HAPLN2: variants seen among roughly 807,000 people sequenced by gnomAD.
HAPLN2 encodes the protein brain link protein-1.
HAPLN2 carries 27 observed loss-of-function variants against 29.3 expected under a neutral mutation model. That is an observed-to-expected ratio of 0.92 (90% CI 0.68 to 1.27). HAPLN2 has a LOEUF of 1.27. Among genes scored for constraint, HAPLN2 ranks in the 50% most tolerant of loss-of-function variants. The pLI is 0.00. For missense variants in HAPLN2, 454 were observed against 484.3 expected, an observed-to-expected ratio of 0.94 and a Z score of 0.59; for synonymous variants, 208 against 211.7, an observed-to-expected ratio of 0.98 and a Z score of 0.15.
chr1:156,603,651 C>G, the HAPLN2 span, among the ~76,000 whole-genome samples: 1 of 152,098 alleles, frequency 6.6e-6, no homozygotes, highest in Admixed American at 6.5e-5. Context: ...CAGCCACTCC[C>G]AAAACTTAAT....
At chr1:156,605,173 C>T in the HAPLN2 span, among the ~76,000 whole-genome samples, 3 of 151,150 alleles carry the variant, frequency 2.0e-5, no homozygotes, top group Admixed American at 6.6e-5. Context: ...GGCTGAGGCA[C>T]GAGGATCGCT....
chr1:156,612,681 A>G, the HAPLN2 span, among the ~76,000 whole-genome samples: 1 of 152,120 alleles, frequency 6.6e-6, no homozygotes, highest in Non-Finnish European at 1.5e-5. Context: ...AGCAAACACT[A>G]AAGCTGTCCT....
chr1:156,601,567 G>A, the HAPLN2 span: 2 of 1,069,684 alleles, frequency 1.9e-6, no homozygotes, highest in South Asian at 3.0e-5. Context: ...CCATTGCGGA[G>A]CCCAATTTGC....
At position 156,625,440 on chromosome 1, in the gene HAPLN2, G is replaced by A. The variant is rs936741684; in HGVS notation, c.*56G>A. The A allele has an allele frequency of 6.7e-7, 1 of 1,487,744 alleles. No individual in the cohort carries two copies. Among genetic ancestry groups the A allele is most frequent in the Non-Finnish European group, 9.0e-7 (1 of 1,111,038 alleles). The allele number at this position is 1,487,744 out of a possible 1,614,324, so 92.2% of individuals were successfully genotyped here. On this transcript the variant is annotated 3_prime_UTR_variant, in exon 7 of 7. Transcript: ENST00000255039. This position sits in a 1 kb window ranked among gnomAD's most constrained non-coding sequence, Gnocchi z 5.7. The stretch of plus-strand genomic sequence containing the variant: ...AAGAAGCTTGGGAGTCGTGGCGGGG[G>A]TCTCTCGCCACCCCTTTCCGGAGAG...
rs1401960040 is a variant in HAPLN2, at chr1:156,625,299, G to A, written c.938G>A (p.Gly313Glu). The A allele has an allele frequency of 2.5e-6, 4 of 1,581,968 alleles. No individual in the cohort carries two copies. Among genetic ancestry groups the A allele is most frequent in the Middle Eastern group, 3.5e-4 (2 of 5,672 alleles). The change falls in exon 7 of 7, where the codon GGG becomes GAG. Residue 313 changes from glycine (G) to glutamate (E), a missense_variant. Gly to Glu is a moderately conservative substitution (Grantham distance 98). This residue lies in a region of HAPLN2 where 235 missense variants were observed against 236.9 expected (regional missense o/e 0.99). Coordinates refer to ENST00000255039, the MANE Select transcript of HAPLN2 (RefSeq NM_021817.3). This position sits in a 1 kb window ranked among gnomAD's most constrained non-coding sequence, Gnocchi z 5.7. ...ACCACGCCGAGGCCGCGCTGCGGGG[G>A]GCTCCCGGATCCCGGAGTGCGCAGT... is the stretch of plus-strand genomic sequence containing the variant. ...PITTPRPRCG[G>E]LPDPGVRSFG...
At chr1:156,624,946 A>G (rs1273006807) in intron 6 of HAPLN2, among the ~76,000 whole-genome samples, 155 bp from the exon 7 acceptor site, 1 of 81,646 alleles carries the variant, frequency 1.2e-5, no homozygotes, top group East Asian at 3.6e-4. Flanking sequence ...CACCTCTCCA[A>G]ACCCTCCCTG....
In HAPLN2 at chr1:156,624,144, G is replaced by A. The variant is rs1460485317; in HGVS notation, c.423G>A (p.Leu141=). The stretch of plus-strand genomic sequence containing the variant: ...GCATCGAGGACGAGAGCGTGGCGCT[G>A]ACCTTGAGCTTGGAGGGTGAGGCCC... ...INGIEDESVA[L]TLSLEGVVFP... is the part of the protein sequence containing the mutation. The change falls in exon 4 of 7, where the codon CTG becomes CTA. Residue 141 remains leucine, a synonymous_variant. Transcript: ENST00000255039. 2 of 1,613,246 alleles carry A rather than the reference G, an allele frequency of 1.2e-6. No individual in the cohort carries two copies. Among genetic ancestry groups the A allele is most frequent in the Non-Finnish European group, 1.7e-6 (2 of 1,179,824 alleles).
chr1:156,625,346 C>T lies in HAPLN2; in HGVS notation c.985C>T (p.Gln329Ter). The T allele has an allele frequency of 6.2e-7, 1 of 1,602,090 alleles. No individual in the cohort carries two copies. Among genetic ancestry groups the T allele is most frequent in the Non-Finnish European group, 8.5e-7 (1 of 1,175,188 alleles). Residue 329 changes from glutamine to a stop codon, truncating the protein, a stop_gained, in exon 7 of 7, where the codon CAG becomes TAG. Coordinates refer to ENST00000255039, the MANE Select transcript of HAPLN2 (RefSeq NM_021817.3). LOFTEE classifies it high-confidence loss of function. This position sits in a 1 kb window ranked among gnomAD's most constrained non-coding sequence, Gnocchi z 5.7. ...CAGTTTCGGCTTCCCCAGGCCCCAA[C>T]AGGCAGCCTATGGGACCTACTGCTA... Reference protein sequence around the residue: ...VRSFGFPRPQQAAYGTYCYAE... With the variant: ...VRSFGFPRPQ
intron 2 of HAPLN2, among the ~76,000 whole-genome samples, chr1:156,622,883 A>C (rs1678282355): frequency 6.6e-6 from 1 of 151,058 alleles, no homozygotes. Context: ...AAAAAGAAAC[A>C]ATTAGCTGGG....
At chr1:156,618,677 GC>G (rs1300403430), upstream of HAPLN2, among the ~76,000 whole-genome samples, 1 of 151,332 alleles carries the variant, frequency 6.6e-6, no homozygotes, top group African/African-American at 2.4e-5. Flanking sequence ...TACTTGGGAG[GC>G]TGAGGCAGAA....
In HAPLN2 at chr1:156,625,383, A is replaced by T; in HGVS notation, c.1022A>T (p.Ter341LeuextTer83). Residue 341 changes from the stop codon to leucine (L), a stop_lost, in exon 7 of 7, where the codon TAG becomes TTG. Coordinates refer to ENST00000255039, the MANE Select transcript of HAPLN2 (RefSeq NM_021817.3). The surrounding 1 kb of genome is among the most constrained non-coding windows in gnomAD (Gnocchi z 5.7). The part of the protein sequence containing the change: ...AYGTYCYAEN[*>L] Reference sequence around the variant, plus strand: ...GGGACCTACTGCTACGCCGAGAATTAGGCGCCCACCGTGTCCCCTCCAGCG... The same window carrying T: ...GGGACCTACTGCTACGCCGAGAATTTGGCGCCCACCGTGTCCCCTCCAGCG... The T allele has an allele frequency of 6.3e-7, 1 of 1,586,002 alleles. No homozygotes were observed. Among genetic ancestry groups the T allele is most frequent in the Non-Finnish European group, 8.6e-7 (1 of 1,165,412 alleles).
At chr1:156,623,076 AT>A (rs1678302406) in intron 2 of HAPLN2, among the ~76,000 whole-genome samples, 2 of 150,314 alleles carry the variant, frequency 1.3e-5, no homozygotes, top group Non-Finnish European at 3.0e-5. Context: ...AAATAAATAA[AT>A]AAAATAAAAA....
the HAPLN2 span, among the ~76,000 whole-genome samples, chr1:156,613,916 C>CAAAAAAAAAAAAAAAAAAAAAAAAAAA: frequency 8.6e-6 from 1 of 115,748 alleles, no homozygotes; most frequent in Non-Finnish European, 1.6e-5. Context: ...GATTCCTTCT[C>CAAAAAAAAAAAAAAAAAAAAAAAAAAA]AAAAAAAAAA....
chr1:156,625,007 C>G lies in HAPLN2; in HGVS notation c.740-94C>G, dbSNP rs932876666. Reference sequence around the variant, plus strand: ...CTCTTACCCAAGCTCGATCCAGCACCTCTGCGGTCCCGCACCCCAACTCCG... The same window carrying G: ...CTCTTACCCAAGCTCGATCCAGCACGTCTGCGGTCCCGCACCCCAACTCCG... On this transcript the variant is annotated intron_variant, in intron 6 of 6. Transcript: ENST00000255039. The surrounding 1 kb of genome is among the most constrained non-coding windows in gnomAD (Gnocchi z 5.7). The G allele has an allele frequency of 1.4e-6, 2 of 1,435,816 alleles. No individual in the cohort carries two copies. Among genetic ancestry groups the G allele is most frequent in the African/African-American group, 2.9e-5 (2 of 70,074 alleles). The allele number at this position is 1,435,816 out of a possible 1,614,324, so 88.9% of individuals were successfully genotyped here. A position where few individuals can be genotyped will look rare whatever the true frequency, so the allele number is the denominator to read the frequency against.
chr1:156,615,862 G>A (rs1479016554), upstream of HAPLN2, among the ~76,000 whole-genome samples: 1 of 150,436 alleles, frequency 6.6e-6, no homozygotes, highest in Non-Finnish European at 1.5e-5. Context: ...TAGCCACCGT[G>A]CCCAGCCAAA....
upstream of HAPLN2, among the ~76,000 whole-genome samples, chr1:156,616,804 C>T (rs1200162009): frequency 6.6e-6 from 1 of 152,018 alleles, no homozygotes; most frequent in Non-Finnish European, 1.5e-5. Context: ...AGAGTATAGT[C>T]GGCCGGGTGC....
At position 156,623,587 on chromosome 1, in the gene HAPLN2, GC is replaced by G; in HGVS notation, c.85+15del. The G allele has an allele frequency of 6.2e-7, 1 of 1,614,024 alleles. No homozygotes were observed. The highest frequency in any genetic ancestry group is 8.5e-7 in the Non-Finnish European group (1 of 1,179,974). Reference sequence around the variant, plus strand: ...CCAAGGAGACCCAGGTAAGACCCCAGCCCAGGCCAGAATCTGGGGGAGGCTT... The same window carrying G: ...CCAAGGAGACCCAGGTAAGACCCCAGCCAGGCCAGAATCTGGGGGAGGCTT... On this transcript the variant is annotated intron_variant, in intron 3 of 6. Transcript: ENST00000255039.
chr1:156,623,000 C>T (rs1021913803), intron 2 of HAPLN2, among the ~76,000 whole-genome samples: 1 of 144,844 alleles, frequency 6.9e-6, no homozygotes, highest in African/African-American at 2.5e-5. Flanking sequence ...TGCCACGGGA[C>T]TCCAGCCTGG....
At chr1:156,619,257 G>A (rs1158536285), upstream of HAPLN2, 3 of 144,290 alleles carry the variant, frequency 2.1e-5, no homozygotes, top group African/African-American at 2.6e-5. Flanking sequence ...TGTGCCAGCC[G>A]GTCCTGCATC....
Sources: allele counts gnomAD v4.1 joint callset (sites outside exome capture counted in the v4.1 genomes callset), GRCh38; gene constraint gnomAD v4.1.1; regional missense constraint gnomAD v4.1.1; non-coding constraint Gnocchi (gnomAD v3.1); transcripts MANE v1.5; gene names NCBI Gene and HGNC (gene_info 2026-07-23, HGNC 2026-07-21).